The following MGAT4A variants were observed in gnomAD, a reference collection of about 807,000 sequenced individuals.
MGAT4A encodes the protein N-acetylglucosaminyltransferase IVa.
MGAT4A carries 33 observed loss-of-function variants against 74.1 expected under a neutral mutation model. The observed-to-expected ratio is 0.45, with a 90% CI of 0.34 to 0.60. The LOEUF (loss-of-function observed/expected upper bound fraction) is 0.60. Ranked by LOEUF, MGAT4A falls within the 20% of genes least tolerant of loss-of-function variation. The pLI is 0.02. For synonymous variants in MGAT4A, 198 were observed against 210.4 expected, an observed-to-expected ratio of 0.94 and a Z score of 0.51; for missense variants, 479 against 628.3, an observed-to-expected ratio of 0.76 and a Z score of 2.54.
chr2:98,727,689 G>A (rs1702785777), intron 1 of MGAT4A, among the ~76,000 whole-genome samples: 2 of 152,164 alleles, frequency 1.3e-5, no homozygotes, highest in Non-Finnish European at 2.9e-5. Flanking sequence ...GAGCACAACC[G>A]ATTCAAGCAG....
intron 9 of MGAT4A, 47 bp from the exon 10 acceptor site, chr2:98,644,100 C>T: frequency 6.7e-7 from 1 of 1,502,892 alleles, no homozygotes; most frequent in Non-Finnish European, 9.0e-7. Flanking sequence ...AAACCAAGCA[C>T]CAAAATGGCT....
chr2:98,717,379 A>G (rs958586794), intron 2 of MGAT4A, among the ~76,000 whole-genome samples: 8 of 139,624 alleles, frequency 5.7e-5, no homozygotes, highest in Admixed American at 1.6e-4. Context: ...ACTCCATCTC[A>G]AAAAAAAAAA....
chr2:98,686,821 G>A (rs766436351), intron 2 of MGAT4A, among the ~76,000 whole-genome samples: 4 of 152,014 alleles, frequency 2.6e-5, no homozygotes, highest in African/African-American at 4.8e-5. Context: ...CTAAATAGAC[G>A]TAATAATTTT....
rs1411048020 is a variant in MGAT4A at position 98,635,159 on chromosome 2, C to A, written c.1468+63G>T. 1.2e-5 allele frequency: 15 copies of A among 1,282,948 alleles called. No homozygotes were observed. The East Asian group carries it at 3.0e-4, about 26-fold the overall frequency. The allele number at this position is 1,282,948 out of a possible 1,614,324, so 79.5% of individuals were successfully genotyped here. A position where few individuals can be genotyped will look rare whatever the true frequency, so the allele number is the denominator to read the frequency against. On this transcript the variant is annotated intron_variant, in intron 14 of 15. Coordinates refer to ENST00000393487, the MANE Select transcript of MGAT4A (RefSeq NM_012214.3). Reference sequence around the variant, plus strand: ...CAAGTTGCTTAACATCTGAAAAGAACTGAAAAGTACTTTAGGAGTAAGTCC... The same window carrying A: ...CAAGTTGCTTAACATCTGAAAAGAAATGAAAAGTACTTTAGGAGTAAGTCC...
chr2:98,708,472 A>G (rs1298922506), intron 2 of MGAT4A, among the ~76,000 whole-genome samples: 2 of 152,196 alleles, frequency 1.3e-5, no homozygotes, highest in Admixed American at 1.3e-4. Flanking sequence ...AATTATTTCT[A>G]GAAAAAAAAA....
chr2:98,680,408 C>T (rs1489648632), intron 2 of MGAT4A, among the ~76,000 whole-genome samples: 1 of 152,266 alleles, frequency 6.6e-6, no homozygotes, highest in East Asian at 1.9e-4. Context: ...GCAGTAAAAA[C>T]AGACTTATGA....
chr2:98,716,609 A>G (rs1575282478), intron 2 of MGAT4A, among the ~76,000 whole-genome samples: 2 of 152,214 alleles, frequency 1.3e-5, no homozygotes, highest in African/African-American at 4.8e-5. Flanking sequence ...TGGGCTACAG[A>G]GCGAAACTCC....
chr2:98,709,016 A>AC (rs576545981), intron 2 of MGAT4A, among the ~76,000 whole-genome samples: 1 of 152,254 alleles, frequency 6.6e-6, no homozygotes, highest in South Asian at 2.1e-4. Context: ...CAGGCTGTAC[A>AC]CCCCATGGAG....
chr2:98,713,475 C>G (rs1284862357), intron 2 of MGAT4A, among the ~76,000 whole-genome samples: 1 of 151,036 alleles, frequency 6.6e-6, no homozygotes, highest in Non-Finnish European at 1.5e-5. Flanking sequence ...ACAAACAAAC[C>G]CGTAGGCCAG....
At chr2:98,699,658 T>G (rs893266317) in intron 2 of MGAT4A, among the ~76,000 whole-genome samples, 2 of 152,204 alleles carry the variant, frequency 1.3e-5, no homozygotes, top group African/African-American at 4.8e-5. Context: ...TTAAGCTAAT[T>G]ATGGTAATTG....
chr2:98,713,098 G>A (rs1252378426), intron 2 of MGAT4A, among the ~76,000 whole-genome samples: 1 of 150,722 alleles, frequency 6.6e-6, no homozygotes, highest in African/African-American at 2.4e-5. Flanking sequence ...GAGCCCAGAG[G>A]CTGCAGTGAG....
intron 2 of MGAT4A, among the ~76,000 whole-genome samples, chr2:98,691,265 G>A (rs1702191277): frequency 6.6e-6 from 1 of 152,084 alleles, no homozygotes; most frequent in South Asian, 2.1e-4. Context: ...ACCAGCCTGA[G>A]CAAATCAGTG....
chr2:98,677,801 A>ATTTTTTTTTTTTTTTTTTT, intron 3 of MGAT4A, among the ~76,000 whole-genome samples: 1 of 121,354 alleles, frequency 8.2e-6, no homozygotes, highest in Non-Finnish European at 1.7e-5. Flanking sequence ...CAGGTAATAA[A>ATTTTTTTTTTTTTTTTTTT]TTTTTTTTTT....
At chr2:98,662,464 T>A (rs1374203270) in intron 5 of MGAT4A, among the ~76,000 whole-genome samples, 1 of 152,182 alleles carries the variant, frequency 6.6e-6, no homozygotes, top group Admixed American at 6.5e-5. Flanking sequence ...TCTAAAAAGT[T>A]AGGAATTAGT....
At chr2:98,677,535 C>T (rs369972154) in intron 3 of MGAT4A, among the ~76,000 whole-genome samples, 1 of 152,114 alleles carries the variant, frequency 6.6e-6, no homozygotes, top group East Asian at 1.9e-4. Flanking sequence ...TCACTACAAC[C>T]TCCGCCTCAA....
rs150570787 is a variant in MGAT4A, at chr2:98,621,609, A to G, written c.*3957T>C. ...ATCAAACAGGTTCCACCCATGCTCAAAGTGGGAGGATATTATACAAGGTCA... is the reference window on the plus strand; with the variant it reads ...ATCAAACAGGTTCCACCCATGCTCAGAGTGGGAGGATATTATACAAGGTCA... On this transcript the variant is annotated 3_prime_UTR_variant, in exon 16 of 16. Coordinates refer to ENST00000393487, the MANE Select transcript of MGAT4A (RefSeq NM_012214.3). 1,232 of 1,510,476 alleles carry G rather than the reference A, an allele frequency of 8.2e-4. 9 individuals are homozygous for G. In the African/African-American group the frequency reaches 0.014, roughly 17 times the overall value. 93.6% of individuals were successfully genotyped at this position (1,510,476 alleles called of 1,614,324 possible).
intron 8 of MGAT4A, among the ~76,000 whole-genome samples, chr2:98,646,748 T>C (rs1422737142): frequency 6.6e-6 from 1 of 152,234 alleles, no homozygotes; most frequent in Non-Finnish European, 1.5e-5. Context: ...CAATGGACTG[T>C]GGCAAATCAA....
At chr2:98,690,018 AG>A (rs1011228243) in intron 2 of MGAT4A, among the ~76,000 whole-genome samples, 5 of 152,136 alleles carry the variant, frequency 3.3e-5, no homozygotes, top group Non-Finnish European at 5.9e-5. Flanking sequence ...CAAAAAAAAA[AG>A]GACCAAGAAA....
At chr2:98,654,918 G>A (rs937811991) in intron 8 of MGAT4A, among the ~76,000 whole-genome samples, 2 of 152,186 alleles carry the variant, frequency 1.3e-5, no homozygotes, top group Non-Finnish European at 2.9e-5. Flanking sequence ...GTCAGGTGCA[G>A]CAGCTCGTGT....
Sources: allele counts gnomAD v4.1 joint callset (sites outside exome capture counted in the v4.1 genomes callset), GRCh38; gene constraint gnomAD v4.1.1; transcripts MANE v1.5; gene names NCBI Gene and HGNC (gene_info 2026-07-23, HGNC 2026-07-21).